MICU1: variants seen among roughly 807,000 people sequenced by gnomAD.
The protein encoded by MICU1 is calcium uptake protein 1, mitochondrial.
A neutral mutation model predicts 56.8 loss-of-function variants in MICU1; 45 were observed. The ratio of observed to expected loss-of-function variants is 0.79; its 90% CI spans 0.62 to 1.02. The LOEUF (loss-of-function observed/expected upper bound fraction) is 1.02. MICU1 is among the 50% of genes least tolerant of loss of function. The probability of loss-of-function intolerance (pLI) is 0.00; values close to 1 mark genes in which losing one functional copy is unlikely to be tolerated. For missense variants in MICU1, 504 were observed against 587.1 expected, an observed-to-expected ratio of 0.86 and a Z score of 1.46; for synonymous variants, 186 against 195.1, an observed-to-expected ratio of 0.95 and a Z score of 0.39.
At chr10:72,501,799 T>C (rs968903201) in intron 6 of MICU1, 6 of 152,182 alleles carry the variant, frequency 3.9e-5, no homozygotes, top group African/African-American at 1.4e-4. Context: ...AAGCACGAGA[T>C]ATTTCTGCCA....
chr10:72,428,534 G>A (rs892629808), intron 8 of MICU1, among the ~76,000 whole-genome samples: 2 of 152,058 alleles, frequency 1.3e-5, no homozygotes, highest in African/African-American at 4.8e-5. Context: ...GGCTGGTCTC[G>A]AACTCCTGAC....
At chr10:72,395,996 T>G (rs774861460) in intron 10 of MICU1, among the ~76,000 whole-genome samples, 1 of 152,220 alleles carries the variant, frequency 6.6e-6, no homozygotes, top group Non-Finnish European at 1.5e-5. Flanking sequence ...CTGACCCCTG[T>G]GTAGCCTAAC....
chr10:72,428,917 C>T (rs549618433), intron 8 of MICU1, among the ~76,000 whole-genome samples: 5 of 152,300 alleles, frequency 3.3e-5, no homozygotes, highest in African/African-American at 9.6e-5. Context: ...AGAATATGGA[C>T]TTTACAATCA....
At chr10:72,450,723 ATTC>A (rs1865268833) in intron 8 of MICU1, among the ~76,000 whole-genome samples, 1 of 140,050 alleles carries the variant, frequency 7.1e-6, no homozygotes, top group Non-Finnish European at 1.6e-5. Context: ...TATTTTTTTA[ATTC>A]TTTTTTTTTT....
In MICU1 at chr10:72,475,022, A is replaced by T. The variant is rs922911715; in HGVS notation, c.933+78T>A. Reference sequence around the variant, plus strand: ...AGTTCTCACAGCTGGAGGTAAATGGAAAGAATGCCTATAGTACAGGCCCTC... The same window carrying T: ...AGTTCTCACAGCTGGAGGTAAATGGTAAGAATGCCTATAGTACAGGCCCTC... On this transcript the variant is annotated intron_variant, in intron 8 of 11. Coordinates refer to ENST00000361114, the MANE Select transcript of MICU1 (RefSeq NM_001195518.2). 30 of 1,260,090 alleles carry T rather than the reference A, an allele frequency of 2.4e-5. No homozygotes were observed. In the Middle Eastern group the frequency reaches 6.3e-4, roughly 26 times the overall value. The allele number at this position is 1,260,090 out of a possible 1,614,324, so 78.1% of individuals were successfully genotyped here.
At chr10:72,551,416 T>A in intron 3 of MICU1, 75 bp from the exon 4 acceptor site, 1 of 951,824 alleles carries the variant, frequency 1.1e-6, no homozygotes, top group Non-Finnish European at 1.4e-6. Flanking sequence ...TCATCACTGC[T>A]CATCAATTCT....
At chr10:72,549,419 G>A (rs1839977844) in intron 4 of MICU1, among the ~76,000 whole-genome samples, 2 of 151,930 alleles carry the variant, frequency 1.3e-5, no homozygotes, top group Non-Finnish European at 2.9e-5. Flanking sequence ...CTCAACTCCT[G>A]AGCTCAAATA....
intron 8 of MICU1, among the ~76,000 whole-genome samples, chr10:72,443,238 T>C (rs1182969100): frequency 6.6e-6 from 1 of 152,140 alleles, no homozygotes; most frequent in Non-Finnish European, 1.5e-5. Context: ...CCTTGTAAAT[T>C]TGTTTGAGTT....
intron 4 of MICU1, among the ~76,000 whole-genome samples, chr10:72,544,494 A>T (rs140368852): frequency 6.6e-6 from 1 of 152,322 alleles, no homozygotes; most frequent in African/African-American, 2.4e-5. Flanking sequence ...AAGGTCAGCC[A>T]GTTGGATATG....
At chr10:72,575,056 T>C (rs1840706208) in intron 1 of MICU1, among the ~76,000 whole-genome samples, 1 of 152,228 alleles carries the variant, frequency 6.6e-6, no homozygotes, top group Non-Finnish European at 1.5e-5. Flanking sequence ...AATGGTTCTG[T>C]CTTTTCTCTC....
intron 8 of MICU1, among the ~76,000 whole-genome samples, chr10:72,474,587 G>A (rs1866054974): frequency 6.6e-6 from 1 of 152,200 alleles, no homozygotes. Flanking sequence ...AAACTCCTGG[G>A]CTCAAGCGAT....
chr10:72,479,192 C>T (rs1232336988), intron 6 of MICU1, among the ~76,000 whole-genome samples: 2 of 152,158 alleles, frequency 1.3e-5, no homozygotes, highest in African/African-American at 2.4e-5. Context: ...AATCACACAG[C>T]TCCTTTTTGG....
At chr10:72,526,065 A>G (rs182996638) in intron 5 of MICU1, among the ~76,000 whole-genome samples, 3 of 152,314 alleles carry the variant, frequency 2.0e-5, no homozygotes, top group South Asian at 4.1e-4. Context: ...AATATTTCAG[A>G]TACCAAAGCC....
intron 6 of MICU1, among the ~76,000 whole-genome samples, chr10:72,486,654 T>C (rs1267491461): frequency 2.0e-5 from 3 of 152,196 alleles, no homozygotes; most frequent in Admixed American, 6.5e-5. Flanking sequence ...GTATTTTTAA[T>C]AGAGACGGGG....
intron 6 of MICU1, among the ~76,000 whole-genome samples, chr10:72,478,234 T>A (rs1242845929): frequency 2.0e-5 from 3 of 152,158 alleles, no homozygotes; most frequent in African/African-American, 4.8e-5. Flanking sequence ...AATGGTAAAA[T>A]TAAGCTGAAG....
At chr10:72,490,107 GA>G (rs1353424874) in intron 6 of MICU1, among the ~76,000 whole-genome samples, 2 of 152,170 alleles carry the variant, frequency 1.3e-5, no homozygotes, top group Admixed American at 6.5e-5. Context: ...ATTACTTTGA[GA>G]AGGACAATAT....
At chr10:72,528,497 T>C (rs1013427380) in intron 5 of MICU1, among the ~76,000 whole-genome samples, 2 of 152,190 alleles carry the variant, frequency 1.3e-5, no homozygotes, top group African/African-American at 4.8e-5. Flanking sequence ...GTTTCAGGTC[T>C]CTGGAAGCCA....
intron 3 of MICU1, among the ~76,000 whole-genome samples, chr10:72,558,543 GGGTA>G (rs1840215479): frequency 6.6e-6 from 1 of 152,248 alleles, no homozygotes; most frequent in Admixed American, 6.5e-5. Flanking sequence ...CATGAAAGGA[GGGTA>G]AAGTTTTAGT....
At chr10:72,542,811 T>C (rs1391827103) in intron 4 of MICU1, among the ~76,000 whole-genome samples, 1 of 152,186 alleles carries the variant, frequency 6.6e-6, no homozygotes, top group African/African-American at 2.4e-5. Context: ...TCCAGGAAAA[T>C]TGAGGTCGCA....
Sources: allele counts gnomAD v4.1 joint callset (sites outside exome capture counted in the v4.1 genomes callset), GRCh38; gene constraint gnomAD v4.1.1; transcripts MANE v1.5; gene names NCBI Gene and HGNC (gene_info 2026-07-23, HGNC 2026-07-21).